The following SETBP1 variants were observed in gnomAD, a reference collection of about 807,000 sequenced individuals.
The protein encoded by SETBP1 is SET-binding protein.
Under a neutral mutation model 101.0 loss-of-function variants are expected in SETBP1, and 9 were observed. The observed-to-expected ratio is 0.09, with a 90% CI of 0.05 to 0.16. The LOEUF (loss-of-function observed/expected upper bound fraction) is 0.16. Ranked by LOEUF, SETBP1 falls within the 10% of genes least tolerant of loss-of-function variation. The pLI, the probability that SETBP1 is intolerant of heterozygous loss-of-function variation, is 1.00. For synonymous variants in SETBP1, 818 were observed against 788.5 expected, an observed-to-expected ratio of 1.04 and a Z score of -0.63; for missense variants, 1,858 against 2,033.8, an observed-to-expected ratio of 0.91 and a Z score of 1.66.
chr18:44,962,648 A>G (rs1053575006), intron 4 of SETBP1, among the ~76,000 whole-genome samples: 2 of 152,234 alleles, frequency 1.3e-5, no homozygotes, highest in African/African-American at 4.8e-5. Context: ...CCCCAAAACT[A>G]ACTATCAGTG....
At chr18:44,902,016 A>C (rs939454841) in intron 3 of SETBP1, among the ~76,000 whole-genome samples, 1 of 152,158 alleles carries the variant, frequency 6.6e-6, no homozygotes, top group Non-Finnish European at 1.5e-5. Context: ...GTATGCTTTC[A>C]TGTAGTAGCC....
intron 2 of SETBP1, among the ~76,000 whole-genome samples, chr18:44,845,363 A>C (rs1126224): frequency 0.99 from 151,306 of 152,276 alleles, 75,181 homozygotes; most frequent in East Asian, 1. Flanking sequence ...TGACTGCAGT[A>C]ATTTACACAC....
chr18:44,849,438 A>C (rs2072800321), intron 2 of SETBP1, among the ~76,000 whole-genome samples: 1 of 152,154 alleles, frequency 6.6e-6, no homozygotes. Flanking sequence ...TCTGTAAAAC[A>C]AGAGGACTCG....
intron 2 of SETBP1, among the ~76,000 whole-genome samples, chr18:44,762,101 C>T (rs77284900): frequency 5.2e-4 from 79 of 151,842 alleles, no homozygotes; most frequent in African/African-American, 1.9e-3. Flanking sequence ...TTACCTCTCC[C>T]TTTGGCCAAT....
intron 2 of SETBP1, among the ~76,000 whole-genome samples, chr18:44,771,477 A>G (rs1376127858): frequency 6.6e-6 from 1 of 152,040 alleles, no homozygotes; most frequent in Non-Finnish European, 1.5e-5. Flanking sequence ...AAGACCCTGC[A>G]AAGGGGCCAG....
rs568231843 is a variant in SETBP1 at position 44,710,612 on chromosome 18, C to T, written c.486+8780C>T. 1.9e-3 allele frequency among the ~76,000 whole-genome samples: 290 copies of T among 152,082 alleles called. 2 individuals carry two copies. The highest frequency in any genetic ancestry group is 6.4e-3 in the African/African-American group (265 of 41,496). On this transcript the variant is annotated intron_variant, in intron 2 of 5. Transcript: ENST00000649279. ...GACTACAGGCCCATGCCACCACATG[C>T]GGCTAACTTTTGTATTTTTAGTAGA...
intron 3 of SETBP1, among the ~76,000 whole-genome samples, chr18:44,881,277 C>T (rs2069524441): frequency 6.6e-6 from 1 of 152,134 alleles, no homozygotes; most frequent in South Asian, 2.1e-4. Context: ...GAGCTTGATT[C>T]ACCCACCTCA....
intron 3 of SETBP1, among the ~76,000 whole-genome samples, chr18:44,875,249 G>A (rs1291317233): frequency 6.6e-6 from 1 of 152,188 alleles, no homozygotes; most frequent in Non-Finnish European, 1.5e-5. Flanking sequence ...GGCCGGGTGC[G>A]GTGGCTCTTG....
chr18:44,775,435 C>A (rs2070977529), intron 2 of SETBP1, among the ~76,000 whole-genome samples: 2 of 152,148 alleles, frequency 1.3e-5, no homozygotes, highest in African/African-American at 2.4e-5. Flanking sequence ...AGTCTAGAAT[C>A]TTTTCTCTTT....
intron 2 of SETBP1, among the ~76,000 whole-genome samples, chr18:44,722,165 C>G (rs1015766612): frequency 1.3e-5 from 2 of 151,298 alleles, no homozygotes; most frequent in Non-Finnish European, 3.0e-5. Flanking sequence ...CCGAAAAGAG[C>G]CCAGCATTGG....
At chr18:44,720,703 T>C (rs2069567611) in intron 2 of SETBP1, among the ~76,000 whole-genome samples, 1 of 151,888 alleles carries the variant, frequency 6.6e-6, no homozygotes, top group Admixed American at 6.6e-5. Context: ...GAAGAAAGCA[T>C]AGGATTTAGG....
chr18:44,944,671 C>T (rs552900904), intron 3 of SETBP1, among the ~76,000 whole-genome samples: 3 of 152,124 alleles, frequency 2.0e-5, no homozygotes, highest in Non-Finnish European at 4.4e-5. Flanking sequence ...TCATGTAATC[C>T]CAAATATCTT....
intron 4 of SETBP1, among the ~76,000 whole-genome samples, chr18:45,016,766 C>CAG (rs1254281998): frequency 1.4e-4 from 19 of 134,790 alleles, no homozygotes; most frequent in South Asian, 2.5e-4. Flanking sequence ...CACACACACA[C>CAG]AGAGAGCTCT....
intron 2 of SETBP1, among the ~76,000 whole-genome samples, chr18:44,859,500 A>G (rs2073035770): frequency 6.6e-6 from 1 of 152,240 alleles, no homozygotes; most frequent in Non-Finnish European, 1.5e-5. Flanking sequence ...AGCTATGTCC[A>G]CATTCCAGTT....
At chr18:44,984,655 T>C (rs369560150) in intron 4 of SETBP1, among the ~76,000 whole-genome samples, 27 of 152,298 alleles carry the variant, frequency 1.8e-4, no homozygotes, top group African/African-American at 4.8e-4. Context: ...CATCAGGATG[T>C]GGTGTGGATT....
chr18:44,799,482 T>C (rs1476984129), intron 2 of SETBP1, among the ~76,000 whole-genome samples: 2 of 152,154 alleles, frequency 1.3e-5, no homozygotes, highest in Non-Finnish European at 2.9e-5. Flanking sequence ...CTCCTAAAAC[T>C]GCACTCTTGC....
chr18:44,857,072 T>C (rs767694303), intron 2 of SETBP1, among the ~76,000 whole-genome samples: 1 of 152,256 alleles, frequency 6.6e-6, no homozygotes, highest in East Asian at 1.9e-4. Flanking sequence ...TGAGAATAGT[T>C]GCACAGCATT....
At chr18:45,012,392 C>T (rs2072857565) in intron 4 of SETBP1, among the ~76,000 whole-genome samples, 1 of 152,030 alleles carries the variant, frequency 6.6e-6, no homozygotes, top group South Asian at 2.1e-4. Flanking sequence ...GTAGAGATTG[C>T]CCCCAGTTGT....
intron 4 of SETBP1, among the ~76,000 whole-genome samples, chr18:44,978,032 T>C (rs1439079705): frequency 6.6e-6 from 1 of 152,060 alleles, no homozygotes; most frequent in Non-Finnish European, 1.5e-5. Context: ...TCATAAAACT[T>C]CCCATATTCC....
Sources: allele counts gnomAD v4.1 joint callset (sites outside exome capture counted in the v4.1 genomes callset), GRCh38; gene constraint gnomAD v4.1.1; transcripts MANE v1.5; gene names NCBI Gene and HGNC (gene_info 2026-07-23, HGNC 2026-07-21).